Variants in PTER observed in about 807,000 individuals in gnomAD.
The protein encoded by PTER is phosphotriesterase related, also known as N-acetyltaurine hydrolase.
A neutral mutation model predicts 29.6 loss-of-function variants in PTER; 38 were observed. That is an observed-to-expected ratio of 1.28 (90% CI 0.99 to 1.68). PTER has a LOEUF of 1.68. Among genes scored for constraint, PTER ranks in the 40% most tolerant of loss-of-function variants. The pLI is 0.00. For missense variants in PTER, 482 were observed against 427.8 expected (o/e 1.13, Z -1.12); for synonymous variants, 172 against 154.5 (o/e 1.11, Z -0.84).
chr10:16,455,322 T>C (rs1185320843), intron 1 of PTER, among the ~76,000 whole-genome samples: 1 of 152,200 alleles, frequency 6.6e-6, no homozygotes, highest in Non-Finnish European at 1.5e-5. Flanking sequence ...AGCAGAAAAG[T>C]ACTGCCCTGG....
At chr10:16,503,602 C>T (rs769574887) in intron 3 of PTER, among the ~76,000 whole-genome samples, 30 of 151,988 alleles carry the variant, frequency 2.0e-4, no homozygotes, top group Admixed American at 3.9e-4. Flanking sequence ...GATGGGGTTT[C>T]GCCATGTTGG....
rs1360943608 is a variant in PTER at position 16,486,483 on chromosome 10, T to C, written c.564T>C (p.Ala188=). Residue 188 remains alanine, a synonymous_variant, in exon 3 of 5, where the codon GCT becomes GCC. Transcript: ENST00000535784. The stretch of plus-strand genomic sequence containing the variant: ...AAAGAAAGGTTCTCCAGGCCACAGC[T>C]CATGCCCAGGCTCAGCTTGGTTGTC... ...ESERKVLQAT[A]HAQAQLGCPV... The C allele has an allele frequency of 1.9e-6, 3 of 1,614,060 alleles. No homozygotes were observed. Among genetic ancestry groups the C allele is most frequent in the Non-Finnish European group, 2.5e-6 (3 of 1,179,978 alleles).
chr10:16,466,686 G>A (rs10904742), intron 1 of PTER, among the ~76,000 whole-genome samples: 92,017 of 151,556 alleles, frequency 0.61, 28,734 homozygotes, highest in East Asian at 0.81. Flanking sequence ...TTAACAAAAC[G>A]TGGTAGCCAA....
At chr10:16,460,031 G>A (rs1265904478) in intron 1 of PTER, among the ~76,000 whole-genome samples, 2 of 152,210 alleles carry the variant, frequency 1.3e-5, no homozygotes, top group South Asian at 2.1e-4. Flanking sequence ...TACAGGCAGG[G>A]GCTGCTGCAC....
chr10:16,514,418 C>A, downstream of PTER: 1 of 823,898 alleles, frequency 1.2e-6, no homozygotes, highest in East Asian at 2.5e-5. Context: ...CCCACATATA[C>A]ACAACTGAGG....
chr10:16,454,837 A>G (rs1007477978), intron 1 of PTER, among the ~76,000 whole-genome samples: 1 of 152,056 alleles, frequency 6.6e-6, no homozygotes, highest in South Asian at 2.1e-4. Context: ...GATAATAAGT[A>G]CTATATAGTA....
intron 4 of PTER, among the ~76,000 whole-genome samples, chr10:16,505,507 G>C (rs530132213): frequency 2.6e-5 from 4 of 152,266 alleles, no homozygotes; most frequent in Admixed American, 6.5e-5. Flanking sequence ...TCCTCTCTCA[G>C]GTTGACCACA....
intron 1 of PTER, among the ~76,000 whole-genome samples, chr10:16,440,335 G>A (rs1010801704): frequency 1.3e-5 from 2 of 151,630 alleles, no homozygotes; most frequent in African/African-American, 4.9e-5. Flanking sequence ...CCCGGCATGA[G>A]CCACCACGCC....
At chr10:16,461,633 ACT>A (rs1391137701) in intron 1 of PTER, among the ~76,000 whole-genome samples, 1 of 152,030 alleles carries the variant, frequency 6.6e-6, no homozygotes, top group East Asian at 1.9e-4. Context: ...CAGGTGCCAC[ACT>A]CTCTTAGGAC....
chr10:16,438,680 C>T (rs539559425), intron 1 of PTER, among the ~76,000 whole-genome samples: 2 of 150,872 alleles, frequency 1.3e-5, no homozygotes, highest in South Asian at 4.2e-4. Flanking sequence ...GTAATCCCGG[C>T]ACTTTGGGAG....
chr10:16,502,988 C>CAA (rs61446204), intron 3 of PTER, among the ~76,000 whole-genome samples: 1,966 of 41,286 alleles, frequency 0.048, 121 homozygotes, highest in East Asian at 0.15. Context: ...GACTCTGTCT[C>CAA]AAAAAAAAAA....
chr10:16,439,656 A>C (rs1201612316), intron 1 of PTER, among the ~76,000 whole-genome samples: 1 of 152,248 alleles, frequency 6.6e-6, no homozygotes, highest in Non-Finnish European at 1.5e-5. Context: ...TACAGGACAT[A>C]CATACATACA....
At chr10:16,455,683 C>T (rs964915921) in intron 1 of PTER, among the ~76,000 whole-genome samples, 1 of 151,902 alleles carries the variant, frequency 6.6e-6, no homozygotes, top group African/African-American at 2.4e-5. Context: ...AGAGCGAGAC[C>T]CTCTCAAAAA....
intron 1 of PTER, among the ~76,000 whole-genome samples, chr10:16,448,431 A>G (rs1268294435): frequency 6.6e-6 from 1 of 152,210 alleles, no homozygotes; most frequent in East Asian, 1.9e-4. Context: ...TGTTACCTCC[A>G]ACAGTCTAAA....
At chr10:16,502,574 C>G (rs1487593603) in intron 3 of PTER, among the ~76,000 whole-genome samples, 1 of 152,026 alleles carries the variant, frequency 6.6e-6, no homozygotes, top group Non-Finnish European at 1.5e-5. Flanking sequence ...GAAAAGGAGC[C>G]AGCCAGGGTA....
At chr10:16,440,091 G>A (rs1207759082) in intron 1 of PTER, among the ~76,000 whole-genome samples, 1 of 140,010 alleles carries the variant, frequency 7.1e-6, no homozygotes, top group Admixed American at 7.4e-5. Flanking sequence ...TTTGTGGCAG[G>A]GTCTCACTCT....
chr10:16,510,958 C>A, intron 4 of PTER, 88 bp from the exon 5 acceptor site: 2 of 1,094,584 alleles, frequency 1.8e-6, no homozygotes, highest in African/African-American at 1.6e-5. Context: ...ACGACAAGCA[C>A]AATAGGTTAA....
intron 4 of PTER, among the ~76,000 whole-genome samples, chr10:16,507,371 A>G (rs1836615580): frequency 6.6e-6 from 1 of 152,246 alleles, no homozygotes; most frequent in East Asian, 1.9e-4. Context: ...GGGGAGCAGT[A>G]GTTCCCTATG....
chr10:16,478,861 T>C (rs1302078303), intron 1 of PTER, among the ~76,000 whole-genome samples: 1 of 152,216 alleles, frequency 6.6e-6, no homozygotes, highest in East Asian at 1.9e-4. Context: ...TTCAAATGGC[T>C]TCAATGGATT....
Sources: gnomAD v4.1 joint callset for allele counts (sites outside exome capture counted in the v4.1 genomes callset) on GRCh38, gnomAD v4.1.1 for gene constraint, MANE v1.5 for transcripts, NCBI Gene and HGNC (gene_info 2026-07-23, HGNC 2026-07-21) for gene names.